RBBP8: variants seen among roughly 807,000 people sequenced by gnomAD.
RBBP8 encodes RB binding protein 8, endonuclease, also known as DNA endonuclease RBBP8.
Under a neutral mutation model 108.3 loss-of-function variants are expected in RBBP8, and 88 were observed. The ratio of observed to expected loss-of-function variants is 0.81; its 90% confidence interval spans 0.68 to 0.97. RBBP8 has a LOEUF of 0.97. Ranked by LOEUF, RBBP8 falls within the 50% of genes least tolerant of loss-of-function variation. The pLI is 0.00. For missense variants in RBBP8, 1,023 were observed against 1,049.0 expected, an observed-to-expected ratio of 0.98 and a Z score of 0.34; for synonymous variants, 332 against 348.2, an observed-to-expected ratio of 0.95 and a Z score of 0.52.
intron 17 of RBBP8, among the ~76,000 whole-genome samples, chr18:23,018,597 A>G (rs1040780765): frequency 6.6e-6 from 1 of 152,168 alleles, no homozygotes; most frequent in South Asian, 2.1e-4. Context: ...AATTACCTCT[A>G]ATTACTTATA....
chr18:22,983,410 G>A (rs1396709455), intron 7 of RBBP8, among the ~76,000 whole-genome samples: 1 of 152,040 alleles, frequency 6.6e-6, no homozygotes, highest in Non-Finnish European at 1.5e-5. Flanking sequence ...CCATCTAGTG[G>A]AAAACAAAAG....
At chr18:22,951,829 A>T (rs1912073750) in intron 4 of RBBP8, among the ~76,000 whole-genome samples, 1 of 152,218 alleles carries the variant, frequency 6.6e-6, no homozygotes, top group African/African-American at 2.4e-5. Context: ...ATTACAAAAA[A>T]TTTGTTAAAG....
At chr18:22,926,870 C>T (rs1363472310) in intron 3 of RBBP8, among the ~76,000 whole-genome samples, 1 of 152,166 alleles carries the variant, frequency 6.6e-6, no homozygotes, top group Non-Finnish European at 1.5e-5. Flanking sequence ...AACTGTGATG[C>T]TGACATCTTC....
chr18:23,016,944 C>A lies in RBBP8; in HGVS notation c.2454+20C>A. On this transcript the variant is annotated intron_variant, in intron 17 of 18. Coordinates refer to ENST00000327155, the MANE Select transcript of RBBP8 (RefSeq NM_002894.3). ...GAAATTGTAAGTACTAATGTAGATACTAATTTTTTTTTAAGTACGGCTTTA... is the reference window on the plus strand; with the variant it reads ...GAAATTGTAAGTACTAATGTAGATAATAATTTTTTTTTAAGTACGGCTTTA... 2 of 1,561,026 alleles carry A rather than the reference C, an allele frequency of 1.3e-6. No individual in the cohort carries two copies. Among genetic ancestry groups the A allele is most frequent in the Non-Finnish European group, 8.8e-7 (1 of 1,132,544 alleles).
In RBBP8 at chr18:22,993,583, A is replaced by G. The variant is rs1322368971; in HGVS notation, c.1756A>G (p.Ile586Val). ...QIKEENAVFK[I>V]PLRPRESLET... ...AAAAGAAGAAAATGCTGTCTTTAAAATTCCTCTACGTCCACGTGAAAGTTT... is the reference window on the plus strand; with the variant it reads ...AAAAGAAGAAAATGCTGTCTTTAAAGTTCCTCTACGTCCACGTGAAAGTTT... Residue 586 changes from isoleucine to valine, a missense_variant, in exon 11 of 19, where the codon ATT becomes GTT. Transcript: ENST00000327155. The G allele has an allele frequency of 1.2e-6, 2 of 1,613,908 alleles. No individual in the cohort carries two copies. Among genetic ancestry groups the G allele is most frequent in the Non-Finnish European group, 1.7e-6 (2 of 1,179,984 alleles).
At chr18:22,942,883 G>A (rs554407286) in intron 2 of RBBP8, among the ~76,000 whole-genome samples, 14 of 151,918 alleles carry the variant, frequency 9.2e-5, no homozygotes, top group Non-Finnish European at 1.9e-4. Context: ...CTATGCCAGC[G>A]TCTGCTATTA....
intron 2 of RBBP8, among the ~76,000 whole-genome samples, chr18:22,943,179 C>A (rs1326870745): frequency 6.6e-6 from 1 of 151,054 alleles, no homozygotes; most frequent in Non-Finnish European, 1.5e-5. Flanking sequence ...AGGCTGGGCA[C>A]AGTGGCACAC....
chr18:22,934,283 G>A (rs1361543445), intron 1 of RBBP8: 1 of 152,294 alleles, frequency 6.6e-6, no homozygotes, highest in East Asian at 1.9e-4. Flanking sequence ...AAAGGGTTTT[G>A]CGAGCCAGAA....
At chr18:22,971,617 C>G (rs1462198053) in intron 5 of RBBP8, among the ~76,000 whole-genome samples, 1 of 142,836 alleles carries the variant, frequency 7.0e-6, no homozygotes, top group African/African-American at 2.6e-5. Flanking sequence ...GATAGCTTTT[C>G]TAGGGTGAAC....
At chr18:22,938,453 C>G (rs1910771197) in intron 2 of RBBP8, among the ~76,000 whole-genome samples, 2 of 152,182 alleles carry the variant, frequency 1.3e-5, no homozygotes, top group Admixed American at 1.3e-4. Context: ...TCCCAAACAG[C>G]TAGGATTACA....
intron 8 of RBBP8, among the ~76,000 whole-genome samples, chr18:22,986,840 C>T (rs1462149474): frequency 6.6e-6 from 1 of 152,144 alleles, no homozygotes; most frequent in Non-Finnish European, 1.5e-5. Flanking sequence ...TGTGCATGTG[C>T]ATGGAGGCTC....
chr18:22,962,065 T>C (rs1434222282), intron 4 of RBBP8, among the ~76,000 whole-genome samples: 2 of 152,234 alleles, frequency 1.3e-5, no homozygotes, highest in East Asian at 3.8e-4. Context: ...GGTAACACAT[T>C]CCATCCTTAA....
At position 22,975,118 on chromosome 18, in the gene RBBP8, A is replaced by G. The variant is rs527306718; in HGVS notation, c.362-35A>G. The G allele has an allele frequency of 9.5e-6, 15 of 1,576,952 alleles. 1 individual carries two copies. The South Asian group carries it at 1.5e-4, about 16-fold the overall frequency. On this transcript the variant is annotated intron_variant, in intron 5 of 18. Coordinates refer to ENST00000327155, the MANE Select transcript of RBBP8 (RefSeq NM_002894.3). Reference sequence around the variant, plus strand: ...GCCTAACATAGATGTTAATATAAATATATTATTTGCCTTCTTTTTCACATT... The same window carrying G: ...GCCTAACATAGATGTTAATATAAATGTATTATTTGCCTTCTTTTTCACATT...
chr18:22,945,509 G>A (rs559690502), intron 2 of RBBP8, among the ~76,000 whole-genome samples: 51 of 151,862 alleles, frequency 3.4e-4, no homozygotes, highest in African/African-American at 1.1e-3. Context: ...CCAGCCTCCC[G>A]AGTAGCTAGG....
intron 4 of RBBP8, among the ~76,000 whole-genome samples, chr18:22,954,796 G>A (rs773456899): frequency 1.3e-5 from 2 of 152,054 alleles, no homozygotes; most frequent in African/African-American, 2.4e-5. Context: ...GAGTAAACAC[G>A]TCCTTCTTCA....
chr18:22,949,066 C>G (rs564035530), intron 3 of RBBP8, among the ~76,000 whole-genome samples: 1 of 152,162 alleles, frequency 6.6e-6, no homozygotes, highest in Non-Finnish European at 1.5e-5. Flanking sequence ...ACTTATTTCT[C>G]AGACCTTTTG....
intron 6 of RBBP8, among the ~76,000 whole-genome samples, chr18:22,980,254 A>AT (rs757520825): frequency 2.0e-5 from 3 of 152,202 alleles, no homozygotes; most frequent in Non-Finnish European, 2.9e-5. Context: ...TCAAAAAAAA[A>AT]TCTAAATAAA....
chr18:22,930,252 T>C (rs893060333), upstream of RBBP8, among the ~76,000 whole-genome samples: 3 of 152,226 alleles, frequency 2.0e-5, no homozygotes, highest in Admixed American at 1.3e-4. Flanking sequence ...CCAATAGGTG[T>C]GCTGGGACAT....
chr18:23,015,498 G>A (rs1396248298), intron 16 of RBBP8, among the ~76,000 whole-genome samples: 2 of 152,000 alleles, frequency 1.3e-5, no homozygotes, highest in African/African-American at 4.8e-5. Context: ...TTTATTGTCT[G>A]TTATTTTGAG....
Sources: gnomAD v4.1 joint callset for allele counts (sites outside exome capture counted in the v4.1 genomes callset) on GRCh38, gnomAD v4.1.1 for gene constraint, MANE v1.5 for transcripts, NCBI Gene and HGNC (gene_info 2026-07-23, HGNC 2026-07-21) for gene names.